The following LRP1B variants were observed in gnomAD, a reference collection of about 807,000 sequenced individuals.
LRP1B encodes the protein LDL receptor related protein 1B, also known as low-density lipoprotein receptor-related protein 1B.
A neutral mutation model predicts 556.6 loss-of-function variants in LRP1B; 217 were observed. That is an observed-to-expected ratio of 0.39 (90% confidence interval 0.35 to 0.44). LRP1B has a LOEUF of 0.44. LRP1B is among the 20% of genes least tolerant of loss of function. The probability of loss-of-function intolerance (pLI) is 1.00; values close to 1 mark genes in which losing one functional copy is unlikely to be tolerated. For synonymous variants in LRP1B, 2,047 were observed against 1,865.8 expected (o/e 1.10, Z -2.50); for missense variants, 5,053 against 5,620.8 (o/e 0.90, Z 3.23).
chr2:141,655,984 G>A (rs4954707), intron 2 of LRP1B, among the ~76,000 whole-genome samples: 33,721 of 151,994 alleles, frequency 0.22, 4,585 homozygotes, highest in East Asian at 0.53. Context: ...TGTCCTAAGC[G>A]ATTTATACAG....
intron 3 of LRP1B, among the ~76,000 whole-genome samples, chr2:141,385,457 T>C (rs1399391704): frequency 1.3e-5 from 2 of 152,102 alleles, no homozygotes; most frequent in African/African-American, 4.8e-5. Context: ...ATAGTGGCAA[T>C]GAAACTCGTG....
intron 7 of LRP1B, among the ~76,000 whole-genome samples, chr2:141,071,422 A>C (rs1327236738): frequency 6.6e-6 from 1 of 152,098 alleles, no homozygotes; most frequent in Non-Finnish European, 1.5e-5. Context: ...AAAAACTGGA[A>C]GCATTCCCTT....
At chr2:142,065,016 A>G (rs566400597) in intron 1 of LRP1B, among the ~76,000 whole-genome samples, 2 of 151,572 alleles carry the variant, frequency 1.3e-5, no homozygotes, top group South Asian at 4.1e-4. Flanking sequence ...AATTCATGTC[A>G]CGGCACTAGC....
At chr2:141,163,768 A>G (rs953845709) in intron 7 of LRP1B, among the ~76,000 whole-genome samples, 1 of 152,024 alleles carries the variant, frequency 6.6e-6, no homozygotes, top group Non-Finnish European at 1.5e-5. Flanking sequence ...AGCCATGTGA[A>G]CTGTGAGTCC....
chr2:140,484,411 G>A (rs1688381696), intron 59 of LRP1B, among the ~76,000 whole-genome samples: 1 of 152,178 alleles, frequency 6.6e-6, no homozygotes. Context: ...AAAAGCTGTG[G>A]TTTGGTGAAA....
At chr2:140,838,076 C>A (rs930462206) in intron 31 of LRP1B, among the ~76,000 whole-genome samples, 1 of 150,966 alleles carries the variant, frequency 6.6e-6, no homozygotes, top group Non-Finnish European at 1.5e-5. Context: ...TAAAAAAATT[C>A]TGAATAGGAA....
At chr2:141,958,415 T>G (rs61482562) in intron 1 of LRP1B, among the ~76,000 whole-genome samples, 11,194 of 151,982 alleles carry the variant, frequency 0.074, 1,400 homozygotes, top group African/African-American at 0.26. Context: ...AGACTTTGGG[T>G]TTTTTGCCTC....
intron 2 of LRP1B, among the ~76,000 whole-genome samples, chr2:141,788,801 C>T (rs5007823): frequency 0.58 from 87,023 of 150,488 alleles, 25,448 homozygotes; most frequent in Middle Eastern, 0.71. Context: ...TGTTTTTTTG[C>T]CCTTGCGACA....
At chr2:141,903,398 T>G (rs1042210337) in intron 1 of LRP1B, among the ~76,000 whole-genome samples, 1 of 151,912 alleles carries the variant, frequency 6.6e-6, no homozygotes, top group African/African-American at 2.4e-5. Context: ...GAGCTTTCAC[T>G]CCATCTCATG....
chr2:140,593,799 T>C (rs1487609728), intron 43 of LRP1B, among the ~76,000 whole-genome samples: 1 of 152,088 alleles, frequency 6.6e-6, no homozygotes, highest in Non-Finnish European at 1.5e-5. Flanking sequence ...AAAATAAAAA[T>C]GTATTTAAAA....
chr2:140,456,990 C>T (rs890812512), intron 61 of LRP1B, among the ~76,000 whole-genome samples: 1 of 151,996 alleles, frequency 6.6e-6, no homozygotes, highest in Non-Finnish European at 1.5e-5. Context: ...GCTTTATAGG[C>T]CGGATAGGTT....
chr2:140,519,196 C>T (rs888760575), intron 49 of LRP1B, among the ~76,000 whole-genome samples: 2 of 152,076 alleles, frequency 1.3e-5, no homozygotes, highest in African/African-American at 2.4e-5. Flanking sequence ...CATCACACTA[C>T]CTGACTTCAA....
At chr2:141,498,025 C>A (rs1683574903) in intron 2 of LRP1B, among the ~76,000 whole-genome samples, 1 of 151,918 alleles carries the variant, frequency 6.6e-6, no homozygotes, top group African/African-American at 2.4e-5. Flanking sequence ...AAAAGTACAT[C>A]TCTAAATACT....
intron 3 of LRP1B, among the ~76,000 whole-genome samples, chr2:141,460,456 T>A (rs1681820492): frequency 1.3e-5 from 2 of 152,158 alleles, no homozygotes; most frequent in Admixed American, 1.3e-4. Context: ...GACAAATAAG[T>A]AGCAAGGTTA....
intron 1 of LRP1B, among the ~76,000 whole-genome samples, chr2:141,928,167 G>C (rs1700387385): frequency 6.6e-6 from 1 of 152,028 alleles, no homozygotes; most frequent in Non-Finnish European, 1.5e-5. Flanking sequence ...CTTGCCACAG[G>C]GCAAGTCTTG....
At chr2:140,506,973 CTATATTAGGAG>C in intron 52 of LRP1B, 55 bp from the exon 53 acceptor site, 1 of 1,556,464 alleles carries the variant, frequency 6.4e-7, no homozygotes, top group Admixed American at 1.9e-5. Context: ...TTATCTTCCC[CTATATTAGGAG>C]CTTGGGGAAT....
At chr2:141,747,654 A>G (rs1693963339) in intron 2 of LRP1B, among the ~76,000 whole-genome samples, 1 of 152,202 alleles carries the variant, frequency 6.6e-6, no homozygotes, top group Admixed American at 6.5e-5. Flanking sequence ...ATTAGATTAA[A>G]TAAGCCTTCT....
At chr2:140,318,234 T>G (rs903920363) in intron 82 of LRP1B, among the ~76,000 whole-genome samples, 1 of 152,172 alleles carries the variant, frequency 6.6e-6, no homozygotes, top group Non-Finnish European at 1.5e-5. Flanking sequence ...CTCATTTATG[T>G]TCCAACTAAA....
intron 3 of LRP1B, among the ~76,000 whole-genome samples, chr2:141,342,966 G>A: frequency 6.6e-6 from 1 of 152,112 alleles, no homozygotes; most frequent in Non-Finnish European, 1.5e-5. Context: ...GTTAAGGGCA[G>A]CCAGAGAGAA....
Sources: gnomAD v4.1 joint callset for allele counts (sites outside exome capture counted in the v4.1 genomes callset) on GRCh38, gnomAD v4.1.1 for gene constraint, MANE v1.5 for transcripts, NCBI Gene and HGNC (gene_info 2026-07-23, HGNC 2026-07-21) for gene names.